Variants in PRKCA observed in about 807,000 individuals in gnomAD.
PRKCA encodes the protein protein kinase C alpha type.
PRKCA carries 27 observed loss-of-function variants against 87.0 expected under a neutral mutation model. The observed-to-expected ratio is 0.31, with a 90% CI of 0.23 to 0.43. The LOEUF (loss-of-function observed/expected upper bound fraction) is 0.43, where lower values mean the gene tolerates loss of function less well. Among genes scored for constraint, PRKCA ranks in the 20% least tolerant of loss-of-function variants. PRKCA has a pLI of 1.00. For missense variants in PRKCA, 518 were observed against 852.3 expected, an observed-to-expected ratio of 0.61 and a Z score of 4.88; for synonymous variants, 329 against 311.1, an observed-to-expected ratio of 1.06 and a Z score of -0.61.
chr17:66,310,896 G>A (rs7210446), intron 2 of PRKCA, among the ~76,000 whole-genome samples: 89,622 of 151,956 alleles, frequency 0.59, 26,666 homozygotes, highest in African/African-American at 0.64. Flanking sequence ...TACAAGTTGG[G>A]TGGAATCATG....
At chr17:66,640,637 T>A (rs1458351868) in intron 3 of PRKCA, among the ~76,000 whole-genome samples, 5 of 152,232 alleles carry the variant, frequency 3.3e-5, no homozygotes, top group Non-Finnish European at 7.3e-5. Context: ...TCCTGAATGA[T>A]CCATTTAGGG....
chr17:66,475,680 C>G (rs559351943), intron 2 of PRKCA, among the ~76,000 whole-genome samples: 2 of 152,070 alleles, frequency 1.3e-5, no homozygotes, highest in Non-Finnish European at 2.9e-5. Context: ...AATGCGGATA[C>G]CTTTTATCTT....
intron 2 of PRKCA, among the ~76,000 whole-genome samples, chr17:66,403,191 G>A (rs1422674953): frequency 6.6e-6 from 1 of 152,044 alleles, no homozygotes; most frequent in African/African-American, 2.4e-5. Flanking sequence ...CTTATGCTGG[G>A]GACATATTGA....
Position 66,496,625 on chromosome 17 carries a change from G to A in PRKCA, c.288+342G>A, listed in dbSNP as rs61762381. On this transcript the variant is annotated intron_variant, in intron 3 of 16. Coordinates refer to ENST00000413366, the MANE Select transcript of PRKCA (RefSeq NM_002737.3). ...ATTTATCACCCTTCAGTTTATTTCC[G>A]TTCCCTCCCCTCCCCTCCCCACCCC... Among the ~76,000 whole-genome samples the A allele has an allele frequency of 5.7e-3, 864 of 151,666 alleles. 8 individuals are homozygous for A. The highest frequency in any genetic ancestry group is 0.019 in the African/African-American group (800 of 41,336).
intron 16 of PRKCA, among the ~76,000 whole-genome samples, chr17:66,801,460 T>C (rs1204324713): frequency 6.6e-6 from 1 of 152,258 alleles, no homozygotes; most frequent in South Asian, 2.1e-4. Flanking sequence ...CTTTGGCTGT[T>C]GTCATCTGAA....
intron 8 of PRKCA, among the ~76,000 whole-genome samples, chr17:66,694,827 C>T (rs1972877121): frequency 6.9e-6 from 1 of 144,642 alleles, no homozygotes; most frequent in East Asian, 2.1e-4. Context: ...TCTTTTAAGA[C>T]AGTTCCCGAA....
intron 3 of PRKCA, among the ~76,000 whole-genome samples, chr17:66,503,183 G>C (rs1438603958): frequency 6.6e-6 from 1 of 152,106 alleles, no homozygotes; most frequent in Non-Finnish European, 1.5e-5. Flanking sequence ...AGCTTTCCTC[G>C]CGTTTTTGTT....
intron 8 of PRKCA, among the ~76,000 whole-genome samples, chr17:66,725,155 A>G (rs753059645): frequency 6.6e-6 from 1 of 152,184 alleles, no homozygotes; most frequent in Non-Finnish European, 1.5e-5. Context: ...CCCTCCCAGC[A>G]CTTCTCTGTG....
chr17:66,460,137 C>A (rs533563374), intron 2 of PRKCA, among the ~76,000 whole-genome samples: 2 of 152,306 alleles, frequency 1.3e-5, no homozygotes, highest in African/African-American at 4.8e-5. Context: ...GTCTAACGGA[C>A]TGGGCATTTG....
At chr17:66,798,464 G>A (rs1039365007) in intron 16 of PRKCA, among the ~76,000 whole-genome samples, 17 of 78,820 alleles carry the variant, frequency 2.2e-4, no homozygotes, top group Non-Finnish European at 2.7e-4. Context: ...GGTGGTGGTG[G>A]TGGTGGTGGT....
chr17:66,563,452 A>G (rs930461647), intron 3 of PRKCA, among the ~76,000 whole-genome samples: 3 of 152,088 alleles, frequency 2.0e-5, no homozygotes, highest in Admixed American at 1.3e-4. Flanking sequence ...GGCTTCTTTC[A>G]CTTAGTAATA....
intron 2 of PRKCA, among the ~76,000 whole-genome samples, chr17:66,479,823 A>G (rs1322051100): frequency 2.6e-5 from 4 of 152,120 alleles, no homozygotes; most frequent in Non-Finnish European, 5.9e-5. Context: ...ATGGACACAC[A>G]GAGGGGAACA....
chr17:66,730,433 A>C (rs996671679), intron 8 of PRKCA, among the ~76,000 whole-genome samples: 31 of 152,222 alleles, frequency 2.0e-4, no homozygotes, highest in Admixed American at 1.9e-3. Context: ...CTGATTGGCT[A>C]TTTTGGTGGT....
intron 2 of PRKCA, among the ~76,000 whole-genome samples, chr17:66,374,083 AG>A (rs1567796034): frequency 6.6e-6 from 1 of 152,096 alleles, no homozygotes; most frequent in East Asian, 1.9e-4. Flanking sequence ...TGAGCCAGGG[AG>A]GAGTCCGCAA....
intron 13 of PRKCA, among the ~76,000 whole-genome samples, chr17:66,759,889 A>C (rs1398161000): frequency 6.6e-6 from 1 of 152,242 alleles, no homozygotes; most frequent in Non-Finnish European, 1.5e-5. Context: ...AGCAGTTGTT[A>C]ATGTGTGCGT....
chr17:66,616,440 G>A (rs1392347164), intron 3 of PRKCA, among the ~76,000 whole-genome samples: 1 of 152,186 alleles, frequency 6.6e-6, no homozygotes, highest in Non-Finnish European at 1.5e-5. Context: ...CTGTGGCTTT[G>A]TGATTTGTTT....
rs1242868014 is a variant in PRKCA, at chr17:66,302,764, G to A, written c.-88G>A. The A allele has an allele frequency of 8.1e-7, 1 of 1,237,260 alleles. No individual in the cohort carries two copies. Among genetic ancestry groups the A allele is most frequent in the Non-Finnish European group, 1.0e-6 (1 of 959,208 alleles). 76.6% of individuals were successfully genotyped at this position (1,237,260 alleles called of 1,614,324 possible). A position where few individuals can be genotyped will look rare whatever the true frequency, so the allele number is the denominator to read the frequency against. ...CGCCCCGCGCCCGGGGTCGCCCCGA[G>A]CCCGCACCTCTCCCCCGCCGCCCCC... On this transcript the variant is annotated 5_prime_UTR_variant, in exon 1 of 17. Transcript: ENST00000413366.
chr17:66,380,412 G>A lies in PRKCA; in HGVS notation c.205+74285G>A, dbSNP rs193167876. On this transcript the variant is annotated intron_variant, in intron 2 of 16. Transcript: ENST00000413366. ...TAAAATAATATTAGATACCTCATGG[G>A]GTTCTTGTGAGGATTAGAAAAGTTT... Among the ~76,000 whole-genome samples the A allele has an allele frequency of 1.2e-3, 183 of 152,104 alleles. 1 individual carries two copies. Among genetic ancestry groups the A allele is most frequent in the African/African-American group, 4.0e-3 (165 of 41,514 alleles).
chr17:66,610,233 A>C (rs1336451778), intron 3 of PRKCA, among the ~76,000 whole-genome samples: 1 of 152,160 alleles, frequency 6.6e-6, no homozygotes, highest in African/African-American at 2.4e-5. Flanking sequence ...AAAGGATACA[A>C]ATGAACAGCC....
Sources: allele counts gnomAD v4.1 joint callset (sites outside exome capture counted in the v4.1 genomes callset), GRCh38; gene constraint gnomAD v4.1.1; transcripts MANE v1.5; gene names NCBI Gene and HGNC (gene_info 2026-07-23, HGNC 2026-07-21).